Variants in POU6F2 observed in about 807,000 individuals in gnomAD.
The protein encoded by POU6F2 is POU domain, class 6, transcription factor 2.
A neutral mutation model predicts 71.3 loss-of-function variants in POU6F2; 31 were observed. The ratio of observed to expected loss-of-function variants is 0.43; its 90% CI spans 0.33 to 0.59. POU6F2 has a LOEUF of 0.59. Ranked by LOEUF, POU6F2 falls within the 20% of genes least tolerant of loss-of-function variation. The pLI, the probability that POU6F2 is intolerant of heterozygous loss-of-function variation, is 0.04. For synonymous variants in POU6F2, 347 were observed against 355.7 expected (o/e 0.98, Z 0.27); for missense variants, 783 against 856.8 (o/e 0.91, Z 1.07).
At chr7:39,040,452 A>G (rs1790170541) in intron 1 of POU6F2, among the ~76,000 whole-genome samples, 1 of 151,586 alleles carries the variant, frequency 6.6e-6, no homozygotes, top group Admixed American at 6.6e-5. Flanking sequence ...GATAATAAAC[A>G]ACATTATTTC....
intron 5 of POU6F2, among the ~76,000 whole-genome samples, chr7:39,387,469 C>T (rs2115819791): frequency 6.6e-6 from 1 of 152,316 alleles, no homozygotes; most frequent in Non-Finnish European, 1.5e-5. Context: ...ATTGAATGTA[C>T]TCTCTACAGT....
chr7:38,987,421 G>C (rs1164428038), intron 1 of POU6F2, among the ~76,000 whole-genome samples: 4 of 152,104 alleles, frequency 2.6e-5, no homozygotes, highest in African/African-American at 9.7e-5. Context: ...TGTTTATTAA[G>C]ATAATTGACA....
intron 4 of POU6F2, among the ~76,000 whole-genome samples, chr7:39,337,229 C>T (rs1288468309): frequency 6.6e-6 from 1 of 152,176 alleles, no homozygotes; most frequent in Non-Finnish European, 1.5e-5. Context: ...TCTCTCTTCT[C>T]TCTAGGAAAT....
intron 5 of POU6F2, among the ~76,000 whole-genome samples, chr7:39,368,431 G>A (rs1377410559): frequency 6.6e-6 from 1 of 152,208 alleles, no homozygotes; most frequent in East Asian, 1.9e-4. Context: ...AGCAGAGGTT[G>A]GTCCATGAGA....
intron 1 of POU6F2, among the ~76,000 whole-genome samples, chr7:39,049,973 A>T (rs550785761): frequency 2.4e-4 from 36 of 152,050 alleles, no homozygotes; most frequent in Non-Finnish European, 4.4e-4. Flanking sequence ...GTTTCTTTGC[A>T]TGTCTCATAA....
intron 4 of POU6F2, among the ~76,000 whole-genome samples, chr7:39,238,157 C>T (rs1794708059): frequency 6.6e-6 from 1 of 152,130 alleles, no homozygotes; most frequent in Non-Finnish European, 1.5e-5. Context: ...TTCAAATCAC[C>T]AGTTACAAAC....
intron 4 of POU6F2, among the ~76,000 whole-genome samples, chr7:39,338,793 T>C (rs1336887566): frequency 6.6e-6 from 1 of 152,222 alleles, no homozygotes; most frequent in Admixed American, 6.5e-5. Flanking sequence ...AATTGTTCAG[T>C]GCTACATGGG....
chr7:39,446,287 C>G (rs921448689), intron 7 of POU6F2, among the ~76,000 whole-genome samples: 1 of 152,164 alleles, frequency 6.6e-6, no homozygotes, highest in Non-Finnish European at 1.5e-5. Flanking sequence ...TGAAGGCCAG[C>G]CCTCCTTCAT....
intron 5 of POU6F2, among the ~76,000 whole-genome samples, chr7:39,394,947 G>A (rs577070465): frequency 9.2e-5 from 14 of 152,254 alleles, no homozygotes; most frequent in African/African-American, 2.9e-4. Flanking sequence ...ACACACAGTC[G>A]ATGCTGTGTT....
chr7:39,017,841 T>TGTGTGTGTGTGA (rs1409308092), intron 1 of POU6F2, among the ~76,000 whole-genome samples: 4 of 151,534 alleles, frequency 2.6e-5, no homozygotes, highest in South Asian at 2.1e-4. Context: ...TGTGTGTGTG[T>TGTGTGTGTGTGA]GATTTGAGTG....
chr7:39,308,902 G>A (rs1583513584), intron 4 of POU6F2, among the ~76,000 whole-genome samples: 3 of 152,136 alleles, frequency 2.0e-5, no homozygotes, highest in Admixed American at 6.5e-5. Context: ...CACTTTTCAC[G>A]TCAGCCCAGG....
chr7:39,173,235 A>G (rs73365575), intron 2 of POU6F2, among the ~76,000 whole-genome samples: 2,623 of 152,330 alleles, frequency 0.017, 65 homozygotes, highest in African/African-American at 0.06. Context: ...CAGTAGCTGT[A>G]TGTAGCTAGC....
intron 5 of POU6F2, among the ~76,000 whole-genome samples, chr7:39,394,446 G>A (rs1213679617): frequency 6.6e-6 from 1 of 152,142 alleles, no homozygotes; most frequent in Non-Finnish European, 1.5e-5. Flanking sequence ...GAACATTGAG[G>A]TGTTTTCATA....
At chr7:39,116,711 T>C (rs1389200811) in intron 2 of POU6F2, among the ~76,000 whole-genome samples, 4 of 152,144 alleles carry the variant, frequency 2.6e-5, no homozygotes, top group African/African-American at 9.7e-5. Context: ...TCTACCAACC[T>C]TCTTCCTCTT....
At chr7:39,318,642 C>G (rs750313853) in intron 4 of POU6F2, among the ~76,000 whole-genome samples, 1 of 152,170 alleles carries the variant, frequency 6.6e-6, no homozygotes. Flanking sequence ...AAAAACAAAG[C>G]AAGGCTCAGT....
intron 2 of POU6F2, among the ~76,000 whole-genome samples, chr7:39,171,591 G>A (rs1793219769): frequency 6.6e-6 from 1 of 152,136 alleles, no homozygotes; most frequent in Non-Finnish European, 1.5e-5. Context: ...AAAAAAAGAT[G>A]TTCACCTATA....
chr7:39,371,806 A>G (rs562679335), intron 5 of POU6F2, among the ~76,000 whole-genome samples: 60 of 152,368 alleles, frequency 3.9e-4, no homozygotes, highest in Admixed American at 1.3e-3. Context: ...GCTCATTGCT[A>G]TAGCGCAGGA....
intron 5 of POU6F2, among the ~76,000 whole-genome samples, chr7:39,386,289 C>T (rs867213150): frequency 6.6e-6 from 1 of 151,792 alleles, no homozygotes; most frequent in African/African-American, 2.4e-5. Flanking sequence ...CAAGGTCCCT[C>T]CTCCATTAAC....
intron 7 of POU6F2, among the ~76,000 whole-genome samples, chr7:39,445,771 G>A (rs933529291): frequency 2.6e-5 from 4 of 152,160 alleles, no homozygotes; most frequent in African/African-American, 9.7e-5. Flanking sequence ...GAATTCCTCA[G>A]TAAGGCTCAG....
Sources: allele counts gnomAD v4.1 joint callset (sites outside exome capture counted in the v4.1 genomes callset), GRCh38; gene constraint gnomAD v4.1.1; transcripts MANE v1.5; gene names NCBI Gene and HGNC (gene_info 2026-07-23, HGNC 2026-07-21).